PLCH2: variants seen among roughly 807,000 people sequenced by gnomAD.
PLCH2 encodes the protein 1-phosphatidylinositol 4,5-bisphosphate phosphodiesterase eta-2.
PLCH2 carries 98 observed loss-of-function variants against 134.7 expected under a neutral mutation model. The ratio of observed to expected loss-of-function variants is 0.73; its 90% confidence interval spans 0.62 to 0.86. PLCH2 has a LOEUF of 0.86. Ranked by LOEUF, PLCH2 falls within the 40% of genes least tolerant of loss-of-function variation. The pLI is 0.00. For synonymous variants in PLCH2, 974 were observed against 827.5 expected (o/e 1.18, Z -3.04); for missense variants, 1,994 against 1,986.6 (o/e 1.00, Z -0.07).
chr1:2,430,934 G>A (rs1236481427), intron 2 of PLCH2, among the ~76,000 whole-genome samples: 3 of 152,194 alleles, frequency 2.0e-5, no homozygotes, highest in South Asian at 2.1e-4. Flanking sequence ...CTGCACTGGG[G>A]GGGTCTGGGA....
At chr1:2,438,863 G>A (rs527717541) in intron 2 of PLCH2, among the ~76,000 whole-genome samples, 3 of 152,198 alleles carry the variant, frequency 2.0e-5, no homozygotes, top group Non-Finnish European at 4.4e-5. Flanking sequence ...CCTTCAGGGG[G>A]CGCAGCGTGT....
chr1:2,480,847 G>A (rs554957442), intron 4 of PLCH2, among the ~76,000 whole-genome samples: 1 of 152,346 alleles, frequency 6.6e-6, no homozygotes, highest in Admixed American at 6.5e-5. Context: ...CGGAAAGCCT[G>A]CTGGGCCGGG....
chr1:2,478,969 T>C lies in PLCH2; in HGVS notation c.271+347T>C, dbSNP rs981489170. On this transcript the variant is annotated intron_variant, in intron 2 of 21. Transcript: ENST00000378486. The stretch of plus-strand genomic sequence containing the variant: ...AGAAACGACCCCCACAGAGGTATGC[T>C]GATGGATGGGTATGGGTGCAAACAG... 3 of 309,276 alleles carry C rather than the reference T, an allele frequency of 9.7e-6. No homozygotes were observed. In the South Asian group the frequency reaches 2.0e-4, roughly 20 times the overall value. 19.2% of individuals were successfully genotyped at this position (309,276 alleles called of 1,614,324 possible). A position where few individuals can be genotyped will look rare whatever the true frequency, so the allele number is the denominator to read the frequency against.
In PLCH2 at chr1:2,503,910, A is replaced by ACCTCCCCCCAGACACCCCCCCCC; in HGVS notation, c.2960-5_2960-4insCCAGACACCCCCCCCCCCTCCCC. The ACCTCCCCCCAGACACCCCCCCCC allele has an allele frequency of 3.7e-6, 1 of 266,704 alleles. No individual in the cohort carries two copies. The highest frequency in any genetic ancestry group is 6.5e-6 in the Non-Finnish European group (1 of 153,080). The allele number at this position is 266,704 out of a possible 1,614,324, so 16.5% of individuals were successfully genotyped here. On this transcript the variant is annotated splice_polypyrimidine_tract_variant and intron_variant, in intron 21 of 21. Coordinates refer to ENST00000378486, the MANE Select transcript of PLCH2 (RefSeq NM_014638.4). Reference sequence around the variant, plus strand: ...CCCTCTGGCTCTCTCTCACTCCCCCACCTCCCCACAGACACCCGCCCCCTC... The same window carrying ACCTCCCCCCAGACACCCCCCCCC: ...CCCTCTGGCTCTCTCTCACTCCCCCACCTCCCCCCAGACACCCCCCCCCCCTCCCCACAGACACCCGCCCCCTC...
At chr1:2,491,996 C>T (rs1436605972) in intron 11 of PLCH2, among the ~76,000 whole-genome samples, 1 of 152,124 alleles carries the variant, frequency 6.6e-6, no homozygotes, top group Non-Finnish European at 1.5e-5. Context: ...GTGGGTGGGC[C>T]CTACAGACCC....
At chr1:2,485,816 C>T (rs1009620694) in intron 5 of PLCH2, among the ~76,000 whole-genome samples, 3 of 152,108 alleles carry the variant, frequency 2.0e-5, no homozygotes, top group Non-Finnish European at 2.9e-5. Context: ...GTGGGTTTTA[C>T]CCAGGATCTC....
chr1:2,461,524 G>A (rs1386770629), intron 2 of PLCH2, among the ~76,000 whole-genome samples: 6 of 152,164 alleles, frequency 3.9e-5, no homozygotes, highest in South Asian at 2.1e-4. Flanking sequence ...GAGCCTTCCC[G>A]AAGCTCCGGT....
rs749658845 is a variant in PLCH2 at position 2,503,957 on chromosome 1, C to T, written c.2995C>T (p.Pro999Ser). ...RPLSTQRPLPPLCSLETIAEE... is the reference protein window; with the variant it reads ...RPLSTQRPLPSLCSLETIAEE... The stretch of plus-strand genomic sequence containing the variant: ...CCTCTCCACGCAGCGGCCACTCCCC[C>T]CACTGTGCAGCCTGGAAACCATCGC... Residue 999 changes from proline to serine, a missense_variant, in exon 22 of 22, where the codon CCA (proline) becomes TCA (serine). Pro to Ser is a moderately conservative substitution (Grantham distance 74). Coordinates refer to ENST00000378486, the MANE Select transcript of PLCH2 (RefSeq NM_014638.4). 10 of 1,458,598 alleles carry T rather than the reference C, an allele frequency of 6.9e-6. No individual in the cohort carries two copies. The highest frequency in any genetic ancestry group is 2.5e-5 in the East Asian group (1 of 40,436). 90.4% of individuals were successfully genotyped at this position (1,458,598 alleles called of 1,614,324 possible).
chr1:2,473,416 A>C (rs376585594), upstream of PLCH2, among the ~76,000 whole-genome samples: 1 of 152,212 alleles, frequency 6.6e-6, no homozygotes, highest in Non-Finnish European at 1.5e-5. Flanking sequence ...ACTCTCCCCA[A>C]CTGGGGTGCA....
chr1:2,445,504 T>C (rs1025436644), intron 2 of PLCH2, among the ~76,000 whole-genome samples: 1 of 147,308 alleles, frequency 6.8e-6, no homozygotes, highest in African/African-American at 2.6e-5. Flanking sequence ...TCCCTGAGCA[T>C]GAGGCTGGGG....
chr1:2,460,099 G>A (rs543501014), intron 2 of PLCH2, among the ~76,000 whole-genome samples: 26 of 152,382 alleles, frequency 1.7e-4, no homozygotes, highest in Non-Finnish European at 3.1e-4. Flanking sequence ...TCTGCCCTCC[G>A]GTTCCTCCCC....
At position 2,502,278 on chromosome 1, in the gene PLCH2, G is replaced by A; in HGVS notation, c.2828G>A (p.Gly943Asp). The part of the protein sequence containing the change: ...PTKSQKPGRR[G>D]FPELVLGTRD... The stretch of plus-strand genomic sequence containing the variant: ...AAGAGCCAGAAGCCGGGCCGCAGGG[G>A]CTTCCCGGAGCTGGTCCTGGGTACA... Residue 943 changes from glycine to aspartate, a missense_variant, in exon 21 of 22, where the codon GGC becomes GAC. This residue lies in a region of PLCH2 where 900 missense variants were observed against 752.3 expected (regional missense o/e 1.20). Coordinates refer to ENST00000378486, the MANE Select transcript of PLCH2 (RefSeq NM_014638.4). The A allele has an allele frequency of 6.5e-7, 1 of 1,537,966 alleles. No individual in the cohort carries two copies.
chr1:2,448,432 G>A lies in PLCH2; in HGVS notation c.115+17803G>A, dbSNP rs1490009996. On this transcript the variant is annotated intron_variant, in intron 2 of 3. Coordinates refer to the PLCH2 transcript ENST00000609981. This position sits in a 1 kb window ranked among gnomAD's most constrained non-coding sequence, Gnocchi z 4.0. ...CCTGTCTTCCCTCGCCCTTCTCTCC[G>A]TCTTCTCTTGCGCCTCGAGTCTCCT... Among the ~76,000 whole-genome samples, 9 of 152,232 alleles carry A rather than the reference G, an allele frequency of 5.9e-5. No homozygotes were observed. Among genetic ancestry groups the A allele is most frequent in the East Asian group, 5.8e-4 (3 of 5,176 alleles).
At chr1:2,497,307 T>C (rs1642949611) in intron 15 of PLCH2, among the ~76,000 whole-genome samples, 195 bp from the exon 16 acceptor site, 1 of 152,230 alleles carries the variant, frequency 6.6e-6, no homozygotes, top group East Asian at 1.9e-4. Context: ...GCTCCGGGGA[T>C]GTCCCTCCAG....
At chr1:2,484,130 C>A (rs1283907958) in intron 4 of PLCH2, among the ~76,000 whole-genome samples, 2 of 152,040 alleles carry the variant, frequency 1.3e-5, no homozygotes, top group Non-Finnish European at 2.9e-5. Flanking sequence ...TTGTTGACTC[C>A]CGTATGGGTG....
At chr1:2,474,149 G>A (rs1641487870), upstream of PLCH2, among the ~76,000 whole-genome samples, 1 of 152,068 alleles carries the variant, frequency 6.6e-6, no homozygotes, top group African/African-American at 2.4e-5. Flanking sequence ...GCATGGGGGT[G>A]GGGCAGCCCC....
intron 2 of PLCH2, among the ~76,000 whole-genome samples, chr1:2,447,608 G>C (rs569236480): frequency 6.6e-6 from 1 of 152,362 alleles, no homozygotes; most frequent in East Asian, 1.9e-4. Context: ...ACCCTGGAGA[G>C]ACTGGAAGGC....
intron 1 of PLCH2, among the ~76,000 whole-genome samples, chr1:2,469,037 C>A (rs1280619572): frequency 6.6e-6 from 1 of 152,194 alleles, no homozygotes. Flanking sequence ...GCTGGGCAGA[C>A]ACTGTTTGTA....
Position 2,439,944 on chromosome 1 carries a change from G to A in PLCH2, c.115+9315G>A, listed in dbSNP as rs965118120. ...GGCAAGGTCATGTCCGGGACACTGC[G>A]GGGGACAAGGCAACCAGGGAGGCTT... is the stretch of plus-strand genomic sequence containing the variant. On this transcript the variant is annotated intron_variant, in intron 2 of 3. Transcript: ENST00000609981. This position sits in a 1 kb window ranked among gnomAD's most constrained non-coding sequence, Gnocchi z 4.7. Among the ~76,000 whole-genome samples, 3 of 152,144 alleles carry A rather than the reference G, an allele frequency of 2.0e-5. No individual in the cohort carries two copies. The highest frequency in any genetic ancestry group is 7.2e-5 in the African/African-American group (3 of 41,448).
Sources: allele counts gnomAD v4.1 joint callset (sites outside exome capture counted in the v4.1 genomes callset), GRCh38; gene constraint gnomAD v4.1.1; regional missense constraint gnomAD v4.1.1; non-coding constraint Gnocchi (gnomAD v3.1); transcripts MANE v1.5; gene names NCBI Gene and HGNC (gene_info 2026-07-23, HGNC 2026-07-21).